ADD2: variants seen among roughly 807,000 people sequenced by gnomAD.
ADD2 encodes the protein beta-adducin.
A neutral mutation model predicts 83.0 loss-of-function variants in ADD2; 23 were observed. That is an observed-to-expected ratio of 0.28 (90% CI 0.20 to 0.39). The LOEUF is 0.39. Ranked by LOEUF, ADD2 falls within the 10% of genes least tolerant of loss-of-function variation. The pLI, the probability that ADD2 is intolerant of heterozygous loss-of-function variation, is 1.00. For missense variants in ADD2, 758 were observed against 944.9 expected (o/e 0.80, Z 2.59); for synonymous variants, 375 against 375.4 (o/e 1.00, Z 0.01).
At chr2:70,734,262 T>C (rs1372675554) in intron 1 of ADD2, among the ~76,000 whole-genome samples, 2 of 152,160 alleles carry the variant, frequency 1.3e-5, no homozygotes, top group East Asian at 3.9e-4. Flanking sequence ...GGCCAAGTGA[T>C]TGACCCATCT....
At chr2:70,697,009 A>T (rs1671344740) in intron 4 of ADD2, among the ~76,000 whole-genome samples, 1 of 152,180 alleles carries the variant, frequency 6.6e-6, no homozygotes, top group African/African-American at 2.4e-5. Flanking sequence ...AAATACAAAA[A>T]TTAGCTGGGT....
At chr2:70,664,846 CTG>C (rs367971184) in intron 15 of ADD2, among the ~76,000 whole-genome samples, 10,697 of 151,636 alleles carry the variant, frequency 0.071, 762 homozygotes, top group African/African-American at 0.18. Context: ...ATGAGTGTGT[CTG>C]TGTGTGTGGT....
intron 8 of ADD2, among the ~76,000 whole-genome samples, chr2:70,689,983 C>T (rs546008332): frequency 2.6e-5 from 4 of 152,142 alleles, no homozygotes; most frequent in Admixed American, 6.5e-5. Flanking sequence ...AGTTCTAGCC[C>T]GTGCAGCCCT....
chr2:70,738,685 A>G (rs1001268105), intron 1 of ADD2, among the ~76,000 whole-genome samples: 10 of 152,208 alleles, frequency 6.6e-5, no homozygotes, highest in African/African-American at 2.4e-4. Context: ...CCAATGCTGT[A>G]TTGCAGCCAG....
chr2:70,764,949 G>A (rs368541029), intron 1 of ADD2, among the ~76,000 whole-genome samples: 2 of 152,056 alleles, frequency 1.3e-5, no homozygotes, highest in African/African-American at 4.8e-5. Context: ...GAGGGCCATT[G>A]TGAAAAACAA....
chr2:70,664,035 C>T (rs1675651726), intron 15 of ADD2, among the ~76,000 whole-genome samples: 1 of 152,096 alleles, frequency 6.6e-6, no homozygotes, highest in Non-Finnish European at 1.5e-5. Context: ...GGGTCCAGCT[C>T]AGAGTTTTTC....
At chr2:70,725,608 A>T (rs1306916212) in intron 1 of ADD2, among the ~76,000 whole-genome samples, 1 of 152,046 alleles carries the variant, frequency 6.6e-6, no homozygotes, top group African/African-American at 2.4e-5. Context: ...GTGAAGATGG[A>T]GGCAGAGATT....
rs782438481 is a variant in ADD2, at chr2:70,683,629, G to A, written c.1087C>T (p.His363Tyr). ...ATCCTCATGAGGGCCTCAAACTCAT[G>A]CTCCCCCAGCCGACTCTTCTGCATA... ...GPMQKSRLGE[H>Y]EFEALMRMLD... Residue 363 changes from histidine (H) to tyrosine (Y), a missense_variant, in exon 10 of 16, where the codon CAT becomes TAT. This residue lies in a region of ADD2 where 394 missense variants were observed against 509.3 expected (regional missense o/e 0.77). Coordinates refer to ENST00000264436, the MANE Select transcript of ADD2 (RefSeq NM_001617.4). 8.1e-6 allele frequency: 13 copies of A among 1,613,850 alleles called. No individual in the cohort carries two copies. The East Asian group carries it at 2.9e-4, about 36-fold the overall frequency.
chr2:70,763,514 C>A lies in ADD2; in HGVS notation c.-154+4372G>T, dbSNP rs189156820. Among the ~76,000 whole-genome samples the A allele has an allele frequency of 5.6e-4, 85 of 152,048 alleles. No individual in the cohort carries two copies. In the East Asian group the frequency reaches 0.011, roughly 19 times the overall value. On this transcript the variant is annotated intron_variant, in intron 1 of 15. Coordinates refer to ENST00000264436, the MANE Select transcript of ADD2 (RefSeq NM_001617.4). ...AAATTTCTCATGACCTCATGGTTGA[C>A]CTAAGTCACTTTTATTAAAATGTAA...
intron 1 of ADD2, among the ~76,000 whole-genome samples, chr2:70,753,168 G>A (rs1674597006): frequency 6.6e-6 from 1 of 152,144 alleles, no homozygotes; most frequent in African/African-American, 2.4e-5. Context: ...ACCAGAAAAG[G>A]GCAGTATTCC....
At chr2:70,674,934 G>A in intron 13 of ADD2, 109 bp from the exon 14 acceptor site, 2 of 1,462,466 alleles carry the variant, frequency 1.4e-6, no homozygotes, top group African/African-American at 1.4e-5. Flanking sequence ...GCTAGGGACA[G>A]CGTGGCATGC....
chr2:70,684,826 A>C (rs1670636072), intron 9 of ADD2, among the ~76,000 whole-genome samples: 1 of 152,236 alleles, frequency 6.6e-6, no homozygotes, highest in South Asian at 2.1e-4. Context: ...AGGTGGTTGT[A>C]GGCAATGGAC....
At chr2:70,727,530 T>C (rs1241236704) in intron 1 of ADD2, among the ~76,000 whole-genome samples, 1 of 152,086 alleles carries the variant, frequency 6.6e-6, no homozygotes, top group African/African-American at 2.4e-5. Context: ...GATTTTCCAC[T>C]CCCTCAGACC....
At chr2:70,767,640 TC>T in intron 1 of ADD2, 1 of 1,325,766 alleles carries the variant, frequency 7.5e-7, no homozygotes, top group South Asian at 2.2e-5. Flanking sequence ...GGTCCCACCA[TC>T]CCCAAGCAGG....
At chr2:70,746,996 G>A (rs1218950597) in intron 1 of ADD2, among the ~76,000 whole-genome samples, 1 of 149,354 alleles carries the variant, frequency 6.7e-6, no homozygotes, top group Non-Finnish European at 1.5e-5. Flanking sequence ...GGAGCTAACA[G>A]TCCAATATGG....
In ADD2 at chr2:70,657,719, AG is replaced by A. The variant is rs1324073197; in HGVS notation, c.*5705del. ...AAGATAATTTGCTGGGGGAGAGAAGAGTTTAGGGTCTTTCTACAGTTATTCT... is the reference window on the plus strand; with the variant it reads ...AAGATAATTTGCTGGGGGAGAGAAGATTTAGGGTCTTTCTACAGTTATTCT... On this transcript the variant is annotated 3_prime_UTR_variant, in exon 16 of 16. Transcript: ENST00000264436. 1 of 152,094 alleles carries A rather than the reference AG, an allele frequency of 6.6e-6. No individual in the cohort carries two copies. 9.4% of individuals were successfully genotyped at this position (152,094 alleles called of 1,614,324 possible).
chr2:70,719,685 A>G (rs149241032), intron 1 of ADD2, among the ~76,000 whole-genome samples: 81 of 152,338 alleles, frequency 5.3e-4, no homozygotes, highest in Middle Eastern at 6.8e-3. Context: ...AGGCTGTCTA[A>G]TTGAGCTGAC....
intron 15 of ADD2, among the ~76,000 whole-genome samples, chr2:70,668,550 C>T (rs1188420678): frequency 2.0e-5 from 3 of 152,192 alleles, no homozygotes; most frequent in Non-Finnish European, 2.9e-5. Flanking sequence ...AACTCTTTTA[C>T]GTCTCTAACA....
chr2:70,714,702 T>C (rs1195159936), intron 1 of ADD2, among the ~76,000 whole-genome samples: 3 of 152,134 alleles, frequency 2.0e-5, no homozygotes, highest in Non-Finnish European at 4.4e-5. Flanking sequence ...TGGCCTCCCT[T>C]CCAGGGCTGG....
Sources: allele counts gnomAD v4.1 joint callset (sites outside exome capture counted in the v4.1 genomes callset), GRCh38; gene constraint gnomAD v4.1.1; regional missense constraint gnomAD v4.1.1; transcripts MANE v1.5; gene names NCBI Gene and HGNC (gene_info 2026-07-23, HGNC 2026-07-21).